The following SLC44A1 variants were observed in gnomAD, a reference collection of about 807,000 sequenced individuals.
SLC44A1 encodes the protein solute carrier family 44 member 1.
SLC44A1 carries 26 observed loss-of-function variants against 79.3 expected under a neutral mutation model. The ratio of observed to expected loss-of-function variants is 0.33; its 90% CI spans 0.24 to 0.46. The LOEUF is 0.46. SLC44A1 is among the 20% of genes least tolerant of loss of function. The pLI is 1.00. For synonymous variants in SLC44A1, 263 were observed against 286.2 expected, an observed-to-expected ratio of 0.92 and a Z score of 0.82; for missense variants, 688 against 798.1, an observed-to-expected ratio of 0.86 and a Z score of 1.66.
intron 1 of SLC44A1, among the ~76,000 whole-genome samples, chr9:105,257,231 C>T (rs530922776): frequency 1.5e-3 from 227 of 151,996 alleles, no homozygotes; most frequent in Non-Finnish European, 2.9e-3. Flanking sequence ...CAAGTAGCTG[C>T]GATTACAAGC....
At chr9:105,263,807 G>A (rs1588711348) in intron 1 of SLC44A1, among the ~76,000 whole-genome samples, 2 of 152,094 alleles carry the variant, frequency 1.3e-5, no homozygotes, top group South Asian at 4.1e-4. Context: ...AAAGTGCTGG[G>A]ATTACAGATG....
chr9:105,431,751 T>G (rs1829401249), intron 15 of SLC44A1, among the ~76,000 whole-genome samples: 2 of 152,234 alleles, frequency 1.3e-5, no homozygotes, highest in Non-Finnish European at 2.9e-5. Flanking sequence ...GTATAACTCA[T>G]ACACCCATCT....
chr9:105,380,488 C>T (rs1828428118), intron 13 of SLC44A1, among the ~76,000 whole-genome samples: 1 of 151,884 alleles, frequency 6.6e-6, no homozygotes, highest in East Asian at 1.9e-4. Context: ...AGCTAGGGAT[C>T]TCTTAACTTC....
At chr9:105,353,907 A>G (rs1307991694) in intron 5 of SLC44A1, among the ~76,000 whole-genome samples, 1 of 152,120 alleles carries the variant, frequency 6.6e-6, no homozygotes, top group Non-Finnish European at 1.5e-5. Flanking sequence ...AAGAGTCCTT[A>G]GGCAGAGATA....
chr9:105,426,122 A>T (rs750609916), intron 15 of SLC44A1, among the ~76,000 whole-genome samples: 2 of 152,234 alleles, frequency 1.3e-5, no homozygotes, highest in Non-Finnish European at 2.9e-5. Context: ...ATGGGGACAT[A>T]TAGGAGAATA....
chr9:105,317,395 A>G (rs1397666), intron 3 of SLC44A1, among the ~76,000 whole-genome samples: 10,732 of 152,140 alleles, frequency 0.071, 921 homozygotes, highest in African/African-American at 0.21. Flanking sequence ...AGGTAAGTTT[A>G]TGGAGATGTC....
chr9:105,396,011 A>G lies in SLC44A1; in HGVS notation c.*6955A>G. On this transcript the variant is annotated 3_prime_UTR_variant, in exon 16 of 16. Transcript: ENST00000374720. Reference sequence around the variant, plus strand: ...GGGACTATTAAGTAGATTTTCCCCCATCCTCTAGGTTCCTGTAGTCTGTGC... The same window carrying G: ...GGGACTATTAAGTAGATTTTCCCCCGTCCTCTAGGTTCCTGTAGTCTGTGC... 9 of 985,026 alleles carry G rather than the reference A, an allele frequency of 9.1e-6. No homozygotes were observed. Among genetic ancestry groups the G allele is most frequent in the Non-Finnish European group, 1.1e-5 (9 of 829,872 alleles). 61.0% of individuals were successfully genotyped at this position (985,026 alleles called of 1,614,324 possible).
intron 5 of SLC44A1, among the ~76,000 whole-genome samples, chr9:105,353,265 C>G (rs1827509088): frequency 6.6e-6 from 1 of 151,998 alleles, no homozygotes; most frequent in South Asian, 2.1e-4. Flanking sequence ...TGAAAGTACT[C>G]TTTCCAATTG....
At chr9:105,304,705 A>G (rs180949879) in intron 2 of SLC44A1, among the ~76,000 whole-genome samples, 453 of 152,244 alleles carry the variant, frequency 3.0e-3, no homozygotes, top group Middle Eastern at 0.01. Flanking sequence ...GGGAATAAAA[A>G]GTTACTTGCT....
At chr9:105,355,543 A>T (rs1395301673) in intron 5 of SLC44A1, among the ~76,000 whole-genome samples, 1 of 152,220 alleles carries the variant, frequency 6.6e-6, no homozygotes, top group African/African-American at 2.4e-5. Context: ...ATATCACATT[A>T]GATATACTTT....
chr9:105,316,238 G>A (rs1831321830), intron 3 of SLC44A1, among the ~76,000 whole-genome samples: 7 of 152,134 alleles, frequency 4.6e-5, no homozygotes, highest in Admixed American at 3.9e-4. Flanking sequence ...AGAGAGAGGT[G>A]TAAGGGTATG....
At chr9:105,383,406 A>G (rs1828537701) in intron 14 of SLC44A1, 47 bp downstream of exon 14, 1 of 1,047,830 alleles carries the variant, frequency 9.5e-7, no homozygotes, top group Non-Finnish European at 1.5e-6. Flanking sequence ...AAAAATACCA[A>G]TAAAAATATT....
chr9:105,283,587 A>G (rs1392618199), intron 1 of SLC44A1, among the ~76,000 whole-genome samples: 1 of 152,236 alleles, frequency 6.6e-6, no homozygotes, highest in African/African-American at 2.4e-5. Context: ...TCAAGAATCA[A>G]CTGACAGGCA....
At position 105,365,643 on chromosome 9, in the gene SLC44A1, A is replaced by T; in HGVS notation, c.1410+4A>T. On this transcript the variant is annotated splice_donor_region_variant and intron_variant, in intron 11 of 15. Coordinates refer to ENST00000374720, the MANE Select transcript of SLC44A1 (RefSeq NM_080546.5). ...TCACAGTCAGCTCAAAGGAAAGGTA[A>T]GGGGAAAATGCATTTCTGTACTTTC... The T allele has an allele frequency of 2.5e-6, 4 of 1,612,824 alleles. No homozygotes were observed. Among genetic ancestry groups the T allele is most frequent in the Non-Finnish European group, 3.4e-6 (4 of 1,178,994 alleles).
chr9:105,265,730 G>A (rs137913156), intron 1 of SLC44A1, among the ~76,000 whole-genome samples: 147 of 152,348 alleles, frequency 9.6e-4, no homozygotes, highest in Non-Finnish European at 1.5e-3. Context: ...ATTCCCATGA[G>A]CAACGTATAA....
chr9:105,266,726 A>ATGTGAGTT (rs1321260162), intron 1 of SLC44A1, among the ~76,000 whole-genome samples: 1 of 152,198 alleles, frequency 6.6e-6, no homozygotes, highest in Non-Finnish European at 1.5e-5. Flanking sequence ...TATATATTGA[A>ATGTGAGTT]ATCAGGTTAT....
intron 15 of SLC44A1, among the ~76,000 whole-genome samples, chr9:105,433,883 A>G (rs181934918): frequency 3.3e-5 from 5 of 152,344 alleles, no homozygotes; most frequent in Admixed American, 6.5e-5. Context: ...TTTCTTAAAT[A>G]AGAATTACCA....
chr9:105,389,359 T>A lies in SLC44A1; in HGVS notation c.*303T>A. The A allele has an allele frequency of 9.1e-7, 1 of 1,099,654 alleles. No individual in the cohort carries two copies. The highest frequency in any genetic ancestry group is 1.1e-6 in the Non-Finnish European group (1 of 903,288). The allele number at this position is 1,099,654 out of a possible 1,614,324, so 68.1% of individuals were successfully genotyped here. ...TAATGGAAATGTTAAAATTCATATCTGATTAACATTTTTAATAACTTAGAG... is the reference window on the plus strand; with the variant it reads ...TAATGGAAATGTTAAAATTCATATCAGATTAACATTTTTAATAACTTAGAG... On this transcript the variant is annotated 3_prime_UTR_variant, in exon 16 of 16. Coordinates refer to ENST00000374720, the MANE Select transcript of SLC44A1 (RefSeq NM_080546.5).
chr9:105,429,247 A>G (rs930622351), intron 15 of SLC44A1, among the ~76,000 whole-genome samples: 1 of 152,084 alleles, frequency 6.6e-6, no homozygotes, highest in Non-Finnish European at 1.5e-5. Flanking sequence ...GATTATCTCA[A>G]AGGTTAGAGT....
Sources: allele counts gnomAD v4.1 joint callset (sites outside exome capture counted in the v4.1 genomes callset), GRCh38; gene constraint gnomAD v4.1.1; transcripts MANE v1.5; gene names NCBI Gene and HGNC (gene_info 2026-07-23, HGNC 2026-07-21).